Variants in CCDC7 observed in about 807,000 individuals in gnomAD.
CCDC7 encodes the protein coiled-coil domain-containing protein 7.
In CCDC7, 183 loss-of-function variants were observed where a neutral mutation model predicts 196.9. That is an observed-to-expected ratio of 0.93 (90% CI 0.82 to 1.05). CCDC7 has a LOEUF of 1.05. CCDC7 is among the 50% of genes least tolerant of loss of function. The pLI, the probability that CCDC7 is intolerant of heterozygous loss-of-function variation, is 0.00. For missense variants in CCDC7, 1,540 were observed against 1,482.2 expected, an observed-to-expected ratio of 1.04 and a Z score of -0.64; for synonymous variants, 525 against 484.6, an observed-to-expected ratio of 1.08 and a Z score of -1.10.
chr10:32,834,843 T>A (rs755566927), exon 33 of CCDC7: 3 of 1,467,242 alleles, frequency 2.0e-6, no homozygotes, highest in Non-Finnish European at 2.8e-6. Context: ...TGAAAGGTGT[T>A]AATGGAAAAG....
chr10:32,459,866 A>G (rs930101326), intron 3 of CCDC7, among the ~76,000 whole-genome samples: 1 of 152,072 alleles, frequency 6.6e-6, no homozygotes, highest in African/African-American at 2.4e-5. Context: ...AATTATGATT[A>G]TGTGCTTTTG....
chr10:32,700,123 C>G (rs546955990), intron 24 of CCDC7, among the ~76,000 whole-genome samples: 2 of 149,476 alleles, frequency 1.3e-5, no homozygotes, highest in Admixed American at 1.3e-4. Flanking sequence ...ACATGAAGTC[C>G]TTGCCCATGC....
intron 18 of CCDC7, among the ~76,000 whole-genome samples, chr10:32,611,967 T>C (rs1006043021): frequency 2.2e-4 from 34 of 152,170 alleles, no homozygotes; most frequent in African/African-American, 7.7e-4. Flanking sequence ...AAGTCAATGG[T>C]ATCTTGATGG....
At chr10:32,518,640 A>G in intron 11 of CCDC7, 135 bp downstream of exon 12, 1 of 673,658 alleles carries the variant, frequency 1.5e-6, no homozygotes, top group Non-Finnish European at 2.1e-6. Context: ...TATGCTTTAA[A>G]AATAAAATTA....
intron 8 of CCDC7, among the ~76,000 whole-genome samples, chr10:32,484,686 T>C (rs1192964216): frequency 6.6e-6 from 1 of 152,204 alleles, no homozygotes; most frequent in Non-Finnish European, 1.5e-5. Flanking sequence ...TTACCTAGTT[T>C]ATTGAGAGTT....
rs571301065 is a variant in CCDC7 at position 32,631,992 on chromosome 10, A to G, written c.1802-2262A>G. Among the ~76,000 whole-genome samples the G allele has an allele frequency of 5.3e-5, 8 of 152,160 alleles. No homozygotes were observed. In the East Asian group the frequency reaches 1.5e-3, roughly 29 times the overall value. On this transcript the variant is annotated intron_variant, in intron 18 of 41. Coordinates refer to ENST00000639629, the Ensembl canonical transcript of CCDC7. ...TCTTATAATTTGAAATCTTTGCTAA[A>G]TTGATTTCTTCTAATAGGTTTATTA...
chr10:32,569,415 G>GT, intron 15 of CCDC7, among the ~76,000 whole-genome samples: 1 of 152,084 alleles, frequency 6.6e-6, no homozygotes. Context: ...ATGCTTTATA[G>GT]TTTTTTTCTT....
chr10:32,651,605 C>T (rs1249028784), intron 20 of CCDC7, among the ~76,000 whole-genome samples: 1 of 152,094 alleles, frequency 6.6e-6, no homozygotes, highest in Non-Finnish European at 1.5e-5. Flanking sequence ...GTCTTACAGA[C>T]TAAGAGTATT....
At chr10:32,592,689 T>A (rs2059894366) in intron 18 of CCDC7, among the ~76,000 whole-genome samples, 2 of 152,126 alleles carry the variant, frequency 1.3e-5, no homozygotes. Context: ...CCTAATGCTA[T>A]CCCTCCCTGC....
chr10:32,804,570 T>C (rs1424593591), intron 29 of CCDC7, among the ~76,000 whole-genome samples: 1 of 152,142 alleles, frequency 6.6e-6, no homozygotes, highest in Non-Finnish European at 1.5e-5. Flanking sequence ...AAGATCATTG[T>C]TTTCAAGTTG....
At position 32,866,059 on chromosome 10, in the gene CCDC7, C is replaced by G. The variant is rs542759071; in HGVS notation, c.4112-10288C>G. Among the ~76,000 whole-genome samples the G allele has an allele frequency of 5.3e-5, 8 of 151,806 alleles. No individual in the cohort carries two copies. The South Asian group carries it at 1.7e-3, about 32-fold the overall frequency. The stretch of plus-strand genomic sequence containing the variant: ...CGATAGGAATGAGCACACCTAGCAC[C>G]CAAATCTACATTTCTAAATATTATT... On this transcript the variant is annotated intron_variant, in intron 41 of 41. Coordinates refer to ENST00000639629, the Ensembl canonical transcript of CCDC7.
Position 32,533,798 on chromosome 10 carries a change from T to A in CCDC7, c.994-9502T>A, listed in dbSNP as rs144607889. 2.5e-3 allele frequency among the ~76,000 whole-genome samples: 374 copies of A among 152,238 alleles called. 6 individuals are homozygous for A. The highest frequency in any genetic ancestry group is 3.1e-3 in the Non-Finnish European group (214 of 67,996). Reference sequence around the variant, plus strand: ...AAATTGGAGCTTTTTAATATGTTATTTGCTTCTTTTCTCTTGCTTCTTTTA... The same window carrying A: ...AAATTGGAGCTTTTTAATATGTTATATGCTTCTTTTCTCTTGCTTCTTTTA... On this transcript the variant is annotated intron_variant, in intron 11 of 41. Coordinates refer to ENST00000639629, the Ensembl canonical transcript of CCDC7.
chr10:32,564,860 C>T (rs2056510957), intron 13 of CCDC7, among the ~76,000 whole-genome samples: 1 of 151,874 alleles, frequency 6.6e-6, no homozygotes. Flanking sequence ...GCCTATAATC[C>T]CCATGCTTTG....
intron 31 of CCDC7, among the ~76,000 whole-genome samples, chr10:32,818,502 C>T (rs532319968): frequency 3.9e-5 from 6 of 152,264 alleles, no homozygotes; most frequent in Admixed American, 2.6e-4. Context: ...TAGACATCTA[C>T]AGAACTCTCC....
chr10:32,485,461 A>AT (rs1272681646), intron 8 of CCDC7, among the ~76,000 whole-genome samples: 114 of 152,020 alleles, frequency 7.5e-4, no homozygotes, highest in African/African-American at 2.7e-3. Flanking sequence ...GGATTCATTG[A>AT]ATTTTTGAAG....
At chr10:32,510,019 G>A (rs10740855) in intron 9 of CCDC7, among the ~76,000 whole-genome samples, 66,671 of 152,000 alleles carry the variant, frequency 0.44, 15,246 homozygotes, top group East Asian at 0.58. Flanking sequence ...TGACCCATAA[G>A]TGCCACTTCT....
chr10:32,740,177 A>T (rs1421776729), intron 28 of CCDC7, among the ~76,000 whole-genome samples: 1 of 152,080 alleles, frequency 6.6e-6, no homozygotes, highest in Non-Finnish European at 1.5e-5. Context: ...AAGCAGCTGG[A>T]GTTGGATATT....
At chr10:32,721,190 C>A (rs144443541) in intron 25 of CCDC7, among the ~76,000 whole-genome samples, 1 of 152,266 alleles carries the variant, frequency 6.6e-6, no homozygotes, top group Non-Finnish European at 1.5e-5. Flanking sequence ...TTTGGTTGAA[C>A]TTTATAACAC....
chr10:32,618,606 T>G (rs542825815), intron 18 of CCDC7, among the ~76,000 whole-genome samples: 4 of 152,184 alleles, frequency 2.6e-5, no homozygotes, highest in Non-Finnish European at 5.9e-5. Flanking sequence ...TCTTTTTTTT[T>G]CTCTCAGCAC....
Sources: allele counts gnomAD v4.1 joint callset (sites outside exome capture counted in the v4.1 genomes callset), GRCh38; gene constraint gnomAD v4.1.1; transcripts MANE v1.5; gene names NCBI Gene and HGNC (gene_info 2026-07-23, HGNC 2026-07-21).